LINGO2: variants seen among roughly 807,000 people sequenced by gnomAD.
The protein encoded by LINGO2 is leucine-rich repeat and immunoglobulin-like domain-containing nogo receptor-interacting protein 2.
In LINGO2, 14 loss-of-function variants were observed where a neutral mutation model predicts 30.6. The observed-to-expected ratio is 0.46, with a 90% CI of 0.30 to 0.72. The LOEUF (loss-of-function observed/expected upper bound fraction) is 0.72, where lower values mean the gene tolerates loss of function less well. Among genes scored for constraint, LINGO2 ranks in the 30% least tolerant of loss-of-function variants. LINGO2 has a pLI of 0.07. For missense variants in LINGO2, 729 were observed against 751.7 expected (o/e 0.97, Z 0.35); for synonymous variants, 317 against 288.5 (o/e 1.10, Z -1.00).
chr9:28,352,904 G>A (rs1449194001), intron 3 of LINGO2, among the ~76,000 whole-genome samples: 1 of 149,908 alleles, frequency 6.7e-6, no homozygotes, highest in African/African-American at 2.4e-5. Context: ...AATGGGGAAA[G>A]GATCCCCTAT....
chr9:28,473,534 T>C (rs1417096393), intron 2 of LINGO2, among the ~76,000 whole-genome samples: 1 of 152,024 alleles, frequency 6.6e-6, no homozygotes, highest in African/African-American at 2.4e-5. Flanking sequence ...TCCCGGGACA[T>C]ACTGCATTAC....
At chr9:29,011,038 A>C in the LINGO2 span, among the ~76,000 whole-genome samples, 1 of 152,306 alleles carries the variant, frequency 6.6e-6, no homozygotes, top group Admixed American at 6.5e-5. Context: ...GTAGAATGGG[A>C]ACAACATTTA....
chr9:28,936,556 C>G, the LINGO2 span, among the ~76,000 whole-genome samples: 1 of 152,116 alleles, frequency 6.6e-6, no homozygotes, highest in Non-Finnish European at 1.5e-5. Flanking sequence ...TCACATGCAA[C>G]CGAACTACAT....
chr9:28,508,314 G>C (rs1820233591), intron 1 of LINGO2, among the ~76,000 whole-genome samples: 1 of 151,956 alleles, frequency 6.6e-6, no homozygotes, highest in Non-Finnish European at 1.5e-5. Flanking sequence ...GTGCTCATTT[G>C]GATGTGCTAT....
chr9:28,900,005 C>A, the LINGO2 span, among the ~76,000 whole-genome samples: 1 of 152,160 alleles, frequency 6.6e-6, no homozygotes, highest in Non-Finnish European at 1.5e-5. Context: ...AGCCCCGCAG[C>A]TCCAGGACTC....
Position 28,233,290 on chromosome 9 carries a change from G to T in LINGO2, c.-87+61918C>A, listed in dbSNP as rs533878101. Among the ~76,000 whole-genome samples the T allele has an allele frequency of 1.7e-3, 253 of 151,828 alleles. 2 individuals are homozygous for T. Among genetic ancestry groups the T allele is most frequent in the African/African-American group, 6.0e-3 (249 of 41,398 alleles). ...TGAACAAATGGGCTCCAGTGAGTTTGAGCAACTAAACATACATTTACTTCC... is the reference window on the plus strand; with the variant it reads ...TGAACAAATGGGCTCCAGTGAGTTTTAGCAACTAAACATACATTTACTTCC... On this transcript the variant is annotated intron_variant, in intron 4 of 5. Transcript: ENST00000379992.
At chr9:28,138,757 G>T (rs1827592492) in intron 4 of LINGO2, among the ~76,000 whole-genome samples, 2 of 152,016 alleles carry the variant, frequency 1.3e-5, no homozygotes, top group African/African-American at 2.4e-5. Context: ...CACTCCTAAA[G>T]AATTTACATA....
the LINGO2 span, among the ~76,000 whole-genome samples, chr9:29,021,677 AAAGAAAGGAAGGAAGGAAGGAAGG>A: frequency 1.5e-4 from 18 of 116,984 alleles, no homozygotes; most frequent in African/African-American, 4.4e-4. Context: ...AGAAGAAAGA[AAAGAAAGGAAGGAAGGAAGGAAGG>A]AAGGAAGGAA....
At position 28,187,303 on chromosome 9, in the gene LINGO2, C is replaced by A. The variant is rs184918737; in HGVS notation, c.-87+107905G>T. ...GTCAGGAGTTCGAGTCCAGCCTGGC[C>A]AACATGGTGAAACCCCATCTCTGTT... On this transcript the variant is annotated intron_variant, in intron 4 of 5. Transcript: ENST00000379992. 3.3e-5 allele frequency among the ~76,000 whole-genome samples: 5 copies of A among 152,024 alleles called. No homozygotes were observed. The East Asian group carries it at 9.7e-4, about 29-fold the overall frequency.
chr9:28,991,308 T>C, the LINGO2 span, among the ~76,000 whole-genome samples: 8 of 150,578 alleles, frequency 5.3e-5, no homozygotes, highest in Admixed American at 5.3e-4. Flanking sequence ...GAAGGGAAGT[T>C]TAGAGAAAAA....
intron 3 of LINGO2, among the ~76,000 whole-genome samples, chr9:28,301,385 A>C (rs1217125093): frequency 8.5e-5 from 13 of 152,072 alleles, no homozygotes; most frequent in South Asian, 4.1e-4. Context: ...AACAAAAAAA[A>C]CAGAAACTTC....
At chr9:27,971,623 A>G (rs1321290735) in intron 5 of LINGO2, among the ~76,000 whole-genome samples, 1 of 152,100 alleles carries the variant, frequency 6.6e-6, no homozygotes, top group Admixed American at 6.6e-5. Flanking sequence ...TCTTGACCTC[A>G]AGTGATCTGC....
At chr9:29,051,761 G>A in the LINGO2 span, among the ~76,000 whole-genome samples, 2 of 151,974 alleles carry the variant, frequency 1.3e-5, no homozygotes, top group South Asian at 4.2e-4. Flanking sequence ...AATATTTTGG[G>A]GATTTTGGAC....
intron 4 of LINGO2, among the ~76,000 whole-genome samples, chr9:28,063,600 T>C (rs1825221666): frequency 6.6e-6 from 1 of 152,048 alleles, no homozygotes; most frequent in African/African-American, 2.4e-5. Context: ...TATTCCCAAA[T>C]CATATAACTC....
chr9:29,146,017 T>C, the LINGO2 span, among the ~76,000 whole-genome samples: 4 of 152,150 alleles, frequency 2.6e-5, no homozygotes, highest in African/African-American at 7.2e-5. Flanking sequence ...CACATATACA[T>C]TGGTAAGTGA....
rs1822876695 is a variant in LINGO2 at position 28,269,751 on chromosome 9, GCCATTCAT to G, written c.-87+25449_-87+25456del. On this transcript the variant is annotated intron_variant, in intron 4 of 5. Transcript: ENST00000379992. ...CCTTTTCCCCAATTTCATCAGCGTAGCCATTCATCCATTCATCCAACCATTCATGAGTC... is the reference window on the plus strand; with the variant it reads ...CCTTTTCCCCAATTTCATCAGCGTAGCCATTCATCCAACCATTCATGAGTC... 2.0e-5 allele frequency among the ~76,000 whole-genome samples: 3 copies of G among 152,048 alleles called. 1 individual carries two copies. The South Asian group carries it at 6.2e-4, about 31-fold the overall frequency.
At chr9:28,219,827 C>A (rs188173191) in intron 4 of LINGO2, among the ~76,000 whole-genome samples, 48 of 152,218 alleles carry the variant, frequency 3.2e-4, no homozygotes, top group African/African-American at 1.1e-3. Flanking sequence ...ACTATGTTTT[C>A]CTCTTGGAGA....
the LINGO2 span, among the ~76,000 whole-genome samples, chr9:28,946,680 T>C: frequency 6.6e-6 from 1 of 152,148 alleles, no homozygotes; most frequent in Non-Finnish European, 1.5e-5. Flanking sequence ...CACTGAGAGT[T>C]GGCTTTCTTT....
the LINGO2 span, among the ~76,000 whole-genome samples, chr9:28,995,663 A>C: frequency 2.0e-5 from 3 of 152,204 alleles, no homozygotes; most frequent in African/African-American, 7.2e-5. Context: ...AATGTGGCAC[A>C]TATACACTAT....
Sources: allele counts gnomAD v4.1 joint callset (sites outside exome capture counted in the v4.1 genomes callset), GRCh38; gene constraint gnomAD v4.1.1; transcripts MANE v1.5; gene names NCBI Gene and HGNC (gene_info 2026-07-23, HGNC 2026-07-21).